Variants in FOXP2 observed in about 807,000 individuals in gnomAD.
The protein encoded by FOXP2 is forkhead box protein P2.
FOXP2 carries 12 observed loss-of-function variants against 115.8 expected under a neutral mutation model. The ratio of observed to expected loss-of-function variants is 0.10; its 90% CI spans 0.07 to 0.17. The LOEUF is 0.17. Ranked by LOEUF, FOXP2 falls within the 10% of genes least tolerant of loss-of-function variation. The probability of loss-of-function intolerance (pLI) is 1.00; values close to 1 mark genes in which losing one functional copy is unlikely to be tolerated. For synonymous variants in FOXP2, 328 were observed against 297.7 expected (o/e 1.10, Z -1.05); for missense variants, 629 against 843.5 (o/e 0.75, Z 3.15).
At chr7:114,572,109 A>G (rs1422886067) in intron 3 of FOXP2, among the ~76,000 whole-genome samples, 1 of 151,884 alleles carries the variant, frequency 6.6e-6, no homozygotes, top group Non-Finnish European at 1.5e-5. Context: ...AATGTTTTCA[A>G]TAAAAATAGT....
intron 1 of FOXP2, among the ~76,000 whole-genome samples, chr7:114,261,962 G>A (rs921846256): frequency 1.3e-5 from 2 of 152,134 alleles, no homozygotes; most frequent in African/African-American, 4.8e-5. Context: ...GGAGGCTGAG[G>A]CAGGAGAATT....
rs553826366 is a variant in FOXP2, at chr7:114,649,895, A to G, written c.1095-2308A>G. Among the ~76,000 whole-genome samples, 15 of 152,210 alleles carry G rather than the reference A, an allele frequency of 9.9e-5. No homozygotes were observed. In the South Asian group the frequency reaches 2.9e-3, roughly 29 times the overall value. ...GTGGCAGCTCTGGCATTTCATAACT[A>G]TGTGTCCTCGAAAAGTGCTTTGTGA... is the stretch of plus-strand genomic sequence containing the variant. On this transcript the variant is annotated intron_variant, in intron 8 of 16. Coordinates refer to ENST00000350908, the MANE Select transcript of FOXP2 (RefSeq NM_014491.4).
At chr7:114,115,061 T>C (rs947359536) in intron 1 of FOXP2, among the ~76,000 whole-genome samples, 1 of 152,166 alleles carries the variant, frequency 6.6e-6, no homozygotes, top group Non-Finnish European at 1.5e-5. Context: ...TTACTAATTA[T>C]AACTTCAGTC....
At chr7:114,645,176 A>G (rs1220651494) in intron 8 of FOXP2, 1 of 106,646 alleles carries the variant, frequency 9.4e-6, no homozygotes, top group East Asian at 2.7e-4. Flanking sequence ...ATATATATAT[A>G]TATTTCAGTA....
chr7:114,428,263 ATCTT>A (rs1314477006), intron 2 of FOXP2, among the ~76,000 whole-genome samples: 51 of 151,580 alleles, frequency 3.4e-4, no homozygotes, highest in Admixed American at 6.6e-5. Flanking sequence ...ATGCCAAGAA[ATCTT>A]TCTTTATTTT....
chr7:114,630,451 T>TA (rs1488885656), intron 5 of FOXP2, among the ~76,000 whole-genome samples: 1 of 152,178 alleles, frequency 6.6e-6, no homozygotes, highest in East Asian at 1.9e-4. Flanking sequence ...AATGAACTGC[T>TA]ACTGTAGGTT....
chr7:114,219,696 CTAATT>C (rs1331347335), intron 1 of FOXP2, among the ~76,000 whole-genome samples: 1 of 152,056 alleles, frequency 6.6e-6, no homozygotes, highest in African/African-American at 2.4e-5. Flanking sequence ...TTTTACTTCT[CTAATT>C]TGTTACCCCT....
chr7:114,364,606 A>C (rs1236477599), intron 2 of FOXP2, among the ~76,000 whole-genome samples: 5 of 152,160 alleles, frequency 3.3e-5, no homozygotes, highest in Admixed American at 2.6e-4. Flanking sequence ...TTTAAAATTT[A>C]TTGGTTTAAA....
intron 1 of FOXP2, among the ~76,000 whole-genome samples, chr7:114,214,431 A>G (rs1005170965): frequency 1.3e-5 from 2 of 152,242 alleles, no homozygotes; most frequent in Admixed American, 1.3e-4. Context: ...CCTATCTGCA[A>G]CTGAGATTTT....
intron 2 of FOXP2, among the ~76,000 whole-genome samples, chr7:114,398,131 T>A (rs1387472267): frequency 6.6e-6 from 1 of 152,046 alleles, no homozygotes; most frequent in East Asian, 1.9e-4. Flanking sequence ...AAGAAAGTAG[T>A]CTAAACTAAG....
chr7:114,294,859 A>ATAC (rs1562858430), intron 2 of FOXP2, among the ~76,000 whole-genome samples: 15 of 150,168 alleles, frequency 1.0e-4, no homozygotes, highest in African/African-American at 3.7e-4. Flanking sequence ...TAAATAAATA[A>ATAC]ATAAATACAT....
At chr7:114,096,298 C>A (rs1799650837) in intron 1 of FOXP2, among the ~76,000 whole-genome samples, 1 of 152,124 alleles carries the variant, frequency 6.6e-6, no homozygotes, top group Admixed American at 6.5e-5. Flanking sequence ...ATTCCTATGA[C>A]TAAAAATGAA....
chr7:114,169,319 C>A (rs367717161), intron 1 of FOXP2, among the ~76,000 whole-genome samples: 3 of 152,202 alleles, frequency 2.0e-5, no homozygotes, highest in Non-Finnish European at 1.5e-5. Flanking sequence ...GGCAGAGCTG[C>A]CCAAGACCAT....
chr7:114,258,235 C>T (rs1795668396), intron 1 of FOXP2, among the ~76,000 whole-genome samples: 1 of 151,960 alleles, frequency 6.6e-6, no homozygotes, highest in African/African-American at 2.4e-5. Context: ...ATTCAAGAAG[C>T]TGAATTCTGG....
intron 1 of FOXP2, among the ~76,000 whole-genome samples, chr7:114,138,733 T>C (rs1295672552): frequency 6.6e-6 from 1 of 151,976 alleles, no homozygotes; most frequent in East Asian, 1.9e-4. Context: ...CAGATCTCAG[T>C]TGAGGGACAT....
intron 2 of FOXP2, among the ~76,000 whole-genome samples, chr7:114,495,339 A>T (rs1300348935): frequency 6.6e-6 from 1 of 152,130 alleles, no homozygotes; most frequent in African/African-American, 2.4e-5. Context: ...TATTTGTTTT[A>T]TTAATATTTA....
intron 2 of FOXP2, among the ~76,000 whole-genome samples, chr7:114,447,438 C>A (rs2129216208): frequency 6.6e-6 from 1 of 152,244 alleles, no homozygotes; most frequent in Middle Eastern, 3.4e-3. Flanking sequence ...CTGGGCCACT[C>A]CTAAGCTACC....
chr7:114,185,668 G>T (rs1584531391), intron 1 of FOXP2, among the ~76,000 whole-genome samples: 2 of 152,052 alleles, frequency 1.3e-5, no homozygotes, highest in East Asian at 3.9e-4. Context: ...CTCCTTCAGG[G>T]AAACAGCTGT....
intron 2 of FOXP2, among the ~76,000 whole-genome samples, chr7:114,427,147 A>T (rs547385629): frequency 6.6e-6 from 1 of 151,854 alleles, no homozygotes; most frequent in African/African-American, 2.4e-5. Flanking sequence ...GCTATTAATT[A>T]GTTGAAATCT....
Sources: allele counts gnomAD v4.1 joint callset (sites outside exome capture counted in the v4.1 genomes callset), GRCh38; gene constraint gnomAD v4.1.1; transcripts MANE v1.5; gene names NCBI Gene and HGNC (gene_info 2026-07-23, HGNC 2026-07-21).